The following TNFRSF21 variants were observed in gnomAD, a reference collection of about 807,000 sequenced individuals.
TNFRSF21 encodes the protein TNF receptor superfamily member 21.
TNFRSF21 carries 19 observed loss-of-function variants against 45.6 expected under a neutral mutation model. The ratio of observed to expected loss-of-function variants is 0.42; its 90% CI spans 0.29 to 0.61. TNFRSF21 has a LOEUF of 0.61. TNFRSF21 is among the 20% of genes least tolerant of loss of function. The pLI is 0.23. For missense variants in TNFRSF21, 737 were observed against 851.5 expected (o/e 0.87, Z 1.67); for synonymous variants, 314 against 335.5 (o/e 0.94, Z 0.70).
intron 5 of TNFRSF21, 146 bp downstream of exon 5, chr6:47,234,524 T>C (rs1764633384): frequency 1.0e-5 from 7 of 700,394 alleles, no homozygotes; most frequent in Middle Eastern, 3.7e-4. Flanking sequence ...CCAGCGTATC[T>C]TGAAGTTTTG....
chr6:47,300,802 G>A (rs917315928), intron 1 of TNFRSF21, among the ~76,000 whole-genome samples: 3 of 151,934 alleles, frequency 2.0e-5, no homozygotes, highest in Non-Finnish European at 2.9e-5. Flanking sequence ...CCCCTTTTAC[G>A]ACGTCCAAGA....
intron 1 of TNFRSF21, among the ~76,000 whole-genome samples, chr6:47,293,410 G>C (rs1762754316): frequency 6.6e-6 from 1 of 152,230 alleles, no homozygotes; most frequent in South Asian, 2.1e-4. Flanking sequence ...GACTATGGCT[G>C]CTTTCATGCT....
chr6:47,296,439 C>A (rs1437870256), intron 1 of TNFRSF21, among the ~76,000 whole-genome samples: 3 of 152,116 alleles, frequency 2.0e-5, no homozygotes, highest in Admixed American at 6.6e-5. Flanking sequence ...CTTAAAATCT[C>A]CAGCCACAAT....
chr6:47,234,095 G>A (rs1764625169), intron 5 of TNFRSF21, among the ~76,000 whole-genome samples: 1 of 152,126 alleles, frequency 6.6e-6, no homozygotes, highest in Admixed American at 6.5e-5. Context: ...AGGTTCAAGT[G>A]ATTCTTTTGC....
chr6:47,282,146 G>A lies in TNFRSF21; in HGVS notation c.1243+1792C>T, dbSNP rs573595139. ...CACACCTGTAATCCCAGCACTTTGGGAGGCCGAGGCGGGCGGATCACCTGA... is the reference window on the plus strand; with the variant it reads ...CACACCTGTAATCCCAGCACTTTGGAAGGCCGAGGCGGGCGGATCACCTGA... On this transcript the variant is annotated intron_variant, in intron 3 of 5. Transcript: ENST00000296861. Among the ~76,000 whole-genome samples the A allele has an allele frequency of 1.2e-4, 19 of 152,226 alleles. No homozygotes were observed. In the East Asian group the frequency reaches 3.7e-3, roughly 29 times the overall value.
chr6:47,243,718 C>A (rs796933956), intron 4 of TNFRSF21, among the ~76,000 whole-genome samples: 5 of 152,262 alleles, frequency 3.3e-5, no homozygotes, highest in African/African-American at 1.2e-4. Context: ...GTGCCCCATC[C>A]TACATACTAT....
At chr6:47,297,516 T>C (rs1311715923) in intron 1 of TNFRSF21, among the ~76,000 whole-genome samples, 1 of 149,148 alleles carries the variant, frequency 6.7e-6, no homozygotes, top group Admixed American at 6.7e-5. Flanking sequence ...TTTACTTTTT[T>C]TTTTTTTTTT....
rs994369997 is a variant in TNFRSF21 at position 47,300,325 on chromosome 6, T to A, written c.96+9091A>T. On this transcript the variant is annotated intron_variant, in intron 1 of 5. Coordinates refer to ENST00000296861, the MANE Select transcript of TNFRSF21 (RefSeq NM_014452.5). ...TCAACCTTGATCACTGCTTTCAATA[T>A]CACCTGCTCCTTCCTATCTCGCCAT... is the stretch of plus-strand genomic sequence containing the variant. 3.3e-5 allele frequency among the ~76,000 whole-genome samples: 5 copies of A among 152,248 alleles called. No homozygotes were observed. The East Asian group carries it at 9.7e-4, about 29-fold the overall frequency.
chr6:47,270,597 C>G (rs775271768), intron 3 of TNFRSF21, among the ~76,000 whole-genome samples: 1 of 152,142 alleles, frequency 6.6e-6, no homozygotes, highest in Non-Finnish European at 1.5e-5. Context: ...AAAATCAGAG[C>G]GCATCTTCTC....
intron 1 of TNFRSF21, among the ~76,000 whole-genome samples, chr6:47,303,150 C>T (rs1333876478): frequency 6.6e-6 from 1 of 152,196 alleles, no homozygotes; most frequent in African/African-American, 2.4e-5. Context: ...CTCCACTCTC[C>T]TAAATCCATT....
At chr6:47,243,259 A>G (rs543402686) in intron 4 of TNFRSF21, among the ~76,000 whole-genome samples, 1 of 152,294 alleles carries the variant, frequency 6.6e-6, no homozygotes, top group African/African-American at 2.4e-5. Flanking sequence ...AAGTCACAAT[A>G]TACTCTTCCA....
At chr6:47,263,240 A>ACCC (rs1762256945) in intron 3 of TNFRSF21, among the ~76,000 whole-genome samples, 2 of 152,180 alleles carry the variant, frequency 1.3e-5, no homozygotes, top group Admixed American at 6.5e-5. Context: ...TGTGATGGGC[A>ACCC]ATTGATGTGG....
At chr6:47,269,398 T>C (rs1019360253) in intron 3 of TNFRSF21, among the ~76,000 whole-genome samples, 3 of 152,292 alleles carry the variant, frequency 2.0e-5, no homozygotes, top group Middle Eastern at 3.4e-3. Flanking sequence ...CAAATATATA[T>C]AATTAAATAA....
intron 3 of TNFRSF21, among the ~76,000 whole-genome samples, chr6:47,270,514 C>A (rs1762399581): frequency 6.6e-6 from 1 of 152,118 alleles, no homozygotes; most frequent in Non-Finnish European, 1.5e-5. Context: ...TGTAGGTCAC[C>A]AACATCAAAG....
chr6:47,279,891 A>G (rs183053821), intron 3 of TNFRSF21, among the ~76,000 whole-genome samples: 1 of 152,234 alleles, frequency 6.6e-6, no homozygotes, highest in Non-Finnish European at 1.5e-5. Context: ...CTCTGACTTC[A>G]GAAAGGAAGA....
chr6:47,250,340 GGAA>G (rs1194341335), intron 4 of TNFRSF21, among the ~76,000 whole-genome samples: 2 of 152,158 alleles, frequency 1.3e-5, no homozygotes, highest in African/African-American at 4.8e-5. Flanking sequence ...GTCCCAGAAG[GGAA>G]GAATAGCTAT....
intron 1 of TNFRSF21, among the ~76,000 whole-genome samples, chr6:47,293,500 C>T (rs748323226): frequency 6.6e-6 from 1 of 152,286 alleles, no homozygotes; most frequent in Non-Finnish European, 1.5e-5. Context: ...TTATAGAATA[C>T]ACTATATATA....
At chr6:47,279,669 C>A (rs575104243) in intron 3 of TNFRSF21, among the ~76,000 whole-genome samples, 1 of 152,156 alleles carries the variant, frequency 6.6e-6, no homozygotes, top group Admixed American at 6.5e-5. Flanking sequence ...GGTTATACAA[C>A]AAAAAGAAAT....
At chr6:47,280,371 C>A (rs535564837) in intron 3 of TNFRSF21, among the ~76,000 whole-genome samples, 1 of 152,328 alleles carries the variant, frequency 6.6e-6, no homozygotes, top group South Asian at 2.1e-4. Flanking sequence ...TTTCTAGAGG[C>A]CTCTCTGAGC....
Sources: gnomAD v4.1 joint callset for allele counts (sites outside exome capture counted in the v4.1 genomes callset) on GRCh38, gnomAD v4.1.1 for gene constraint, MANE v1.5 for transcripts, NCBI Gene and HGNC (gene_info 2026-07-23, HGNC 2026-07-21) for gene names.